MACROD2: variants seen among roughly 807,000 people sequenced by gnomAD.
MACROD2 encodes ADP-ribose glycohydrolase MACROD2.
MACROD2 carries 36 observed loss-of-function variants against 70.4 expected under a neutral mutation model. That is an observed-to-expected ratio of 0.51 (90% CI 0.39 to 0.68). MACROD2 has a LOEUF of 0.68. Ranked by LOEUF, MACROD2 falls within the 30% of genes least tolerant of loss-of-function variation. The pLI is 0.00. For synonymous variants in MACROD2, 172 were observed against 178.8 expected (o/e 0.96, Z 0.30); for missense variants, 496 against 538.4 (o/e 0.92, Z 0.78).
chr20:14,536,483 C>A (rs1054027489), intron 4 of MACROD2, among the ~76,000 whole-genome samples: 2 of 151,808 alleles, frequency 1.3e-5, no homozygotes, highest in African/African-American at 4.8e-5. Flanking sequence ...TATTTTATTC[C>A]CTTTGAGGAC....
chr20:14,950,510 A>G (rs2074467062), intron 5 of MACROD2, among the ~76,000 whole-genome samples: 1 of 152,192 alleles, frequency 6.6e-6, no homozygotes, highest in Non-Finnish European at 1.5e-5. Context: ...TAACCTCTGT[A>G]AGGACAAGGA....
intron 8 of MACROD2, among the ~76,000 whole-genome samples, chr20:15,634,758 C>T (rs933302933): frequency 9.9e-5 from 15 of 152,272 alleles, no homozygotes; most frequent in East Asian, 7.7e-4. Context: ...TTCAATGTGT[C>T]GTACTGTGCC....
At chr20:14,114,649 A>G (rs1050750142) in intron 3 of MACROD2, among the ~76,000 whole-genome samples, 1 of 152,126 alleles carries the variant, frequency 6.6e-6, no homozygotes, top group African/African-American at 2.4e-5. Context: ...AATTTTGAGA[A>G]ACGAGGAACG....
intron 5 of MACROD2, among the ~76,000 whole-genome samples, chr20:15,025,703 G>A (rs904195552): frequency 5.3e-5 from 8 of 152,140 alleles, no homozygotes; most frequent in Non-Finnish European, 1.0e-4. Context: ...TTGGTCTGGA[G>A]TAGGGAGGGG....
intron 5 of MACROD2, among the ~76,000 whole-genome samples, chr20:14,862,369 AT>A (rs1168542195): frequency 5.9e-5 from 2 of 34,014 alleles, no homozygotes; most frequent in African/African-American, 3.3e-4. Flanking sequence ...ATAAATATAT[AT>A]AAATATATAT....
intron 4 of MACROD2, among the ~76,000 whole-genome samples, chr20:14,608,669 T>C (rs1982966695): frequency 6.6e-6 from 1 of 152,088 alleles, no homozygotes; most frequent in East Asian, 1.9e-4. Context: ...GTTTGACTAG[T>C]GGGAGGATGA....
chr20:14,554,592 A>T (rs1003256105), intron 4 of MACROD2, among the ~76,000 whole-genome samples: 2 of 152,088 alleles, frequency 1.3e-5, no homozygotes, highest in Non-Finnish European at 2.9e-5. Context: ...ACTTAACCCC[A>T]AACTACCCTC....
chr20:15,812,314 A>G (rs1373046592), intron 8 of MACROD2, among the ~76,000 whole-genome samples: 1 of 152,208 alleles, frequency 6.6e-6, no homozygotes, highest in African/African-American at 2.4e-5. Context: ...GGCTGTCTAG[A>G]CTATTCTGAG....
chr20:14,314,443 GT>G (rs889297187), intron 3 of MACROD2, among the ~76,000 whole-genome samples: 11 of 152,240 alleles, frequency 7.2e-5, no homozygotes, highest in African/African-American at 2.2e-4. Context: ...CCAAGAAAAT[GT>G]TTTTTTATCA....
At chr20:14,026,629 C>A (rs998237353) in intron 2 of MACROD2, among the ~76,000 whole-genome samples, 1 of 152,120 alleles carries the variant, frequency 6.6e-6, no homozygotes, top group African/African-American at 2.4e-5. Flanking sequence ...ATATGAAATT[C>A]CAGGTTGAAA....
At position 15,046,150 on chromosome 20, in the gene MACROD2, A is replaced by G. The variant is rs186573289; in HGVS notation, c.419-183790A>G. On this transcript the variant is annotated intron_variant, in intron 5 of 17. Coordinates refer to ENST00000684519, the MANE Select transcript of MACROD2 (RefSeq NM_001351661.2). ...CTTCTCAGACTCCTCCTAGAACAAT[A>G]TAGAATAAATGCCACATAAGGTAAA... is the stretch of plus-strand genomic sequence containing the variant. Among the ~76,000 whole-genome samples, 117 of 152,138 alleles carry G rather than the reference A, an allele frequency of 7.7e-4. 1 individual carries two copies. The highest frequency in any genetic ancestry group is 6.2e-4 in the South Asian group (3 of 4,818).
At chr20:15,625,699 G>C (rs1450348748) in intron 8 of MACROD2, among the ~76,000 whole-genome samples, 2 of 152,046 alleles carry the variant, frequency 1.3e-5, no homozygotes, top group African/African-American at 4.8e-5. Flanking sequence ...CTCCAACAAA[G>C]ACTTTAACAG....
chr20:14,939,861 A>G (rs2074374558), intron 5 of MACROD2, among the ~76,000 whole-genome samples: 1 of 151,866 alleles, frequency 6.6e-6, no homozygotes. Flanking sequence ...TATTCTTTGT[A>G]GCTATTATAG....
intron 3 of MACROD2, among the ~76,000 whole-genome samples, chr20:14,321,052 C>G (rs183943330): frequency 2.6e-5 from 4 of 152,182 alleles, no homozygotes; most frequent in Non-Finnish European, 5.9e-5. Context: ...TTCTTGAAGG[C>G]AAGCCATCTG....
intron 3 of MACROD2, among the ~76,000 whole-genome samples, chr20:14,280,707 T>TTCA (rs2082299712): frequency 6.6e-6 from 1 of 152,184 alleles, no homozygotes; most frequent in Admixed American, 6.5e-5. Context: ...AATAAAACAT[T>TTCA]TCACCTTTTT....
intron 3 of MACROD2, among the ~76,000 whole-genome samples, chr20:14,134,463 G>A (rs1321820993): frequency 1.3e-5 from 2 of 152,104 alleles, no homozygotes; most frequent in African/African-American, 4.8e-5. Flanking sequence ...CTAATATATT[G>A]TTTTATTTAA....
rs1183999771 is a variant in MACROD2 at position 16,044,600 on chromosome 20, AAT to A, written c.1262_1263del (p.Asn421ArgfsTer18). On this transcript the variant is annotated frameshift_variant, in exon 17 of 18. Coordinates refer to ENST00000684519, the MANE Select transcript of MACROD2 (RefSeq NM_001351661.2). LOFTEE classifies it high-confidence loss of function. ...VEMNSQVDKV[N>X]DPTESQQEDQ... Reference sequence around the variant, plus strand: ...AATGAATAGTCAGGTTGACAAGGTAAATGACCCAACAGAGAGTCAACAAGAAG... The same window carrying A: ...AATGAATAGTCAGGTTGACAAGGTAAGACCCAACAGAGAGTCAACAAGAAG... The A allele has an allele frequency of 1.2e-5, 20 of 1,612,906 alleles. No homozygotes were observed. Among genetic ancestry groups the A allele is most frequent in the Non-Finnish European group, 1.4e-5 (17 of 1,179,464 alleles).
chr20:15,170,823 G>A (rs1017695354), intron 5 of MACROD2, among the ~76,000 whole-genome samples: 5 of 152,218 alleles, frequency 3.3e-5, no homozygotes, highest in Non-Finnish European at 7.3e-5. Flanking sequence ...GAGAAAAGCT[G>A]CTGAAGAGTT....
chr20:15,289,561 A>T (rs2077523103), intron 6 of MACROD2, among the ~76,000 whole-genome samples: 1 of 152,242 alleles, frequency 6.6e-6, no homozygotes, highest in Non-Finnish European at 1.5e-5. Flanking sequence ...AACAACCGTG[A>T]AGAACAAGGA....
Sources: gnomAD v4.1 joint callset for allele counts (sites outside exome capture counted in the v4.1 genomes callset) on GRCh38, gnomAD v4.1.1 for gene constraint, MANE v1.5 for transcripts, NCBI Gene and HGNC (gene_info 2026-07-23, HGNC 2026-07-21) for gene names.